ZNF469: variants seen among roughly 807,000 people sequenced by gnomAD.
ZNF469 encodes zinc finger protein 469.
Under a neutral mutation model 1.0 loss-of-function variants are expected in ZNF469, and 1 was observed. That is an observed-to-expected ratio of 1.00 (90% CI 0.35 to 4.73). The LOEUF (loss-of-function observed/expected upper bound fraction) is 4.73. Ranked by LOEUF, ZNF469 falls within the 30% of genes most tolerant of loss-of-function variation. ZNF469 has a pLI of 0.16. For synonymous variants in ZNF469, 2,703 were observed against 2,363.4 expected (o/e 1.14, Z -4.17); for missense variants, 6,100 against 5,356.3 (o/e 1.14, Z -4.33).
chr16:88,102,524 A>C, the ZNF469 span, among the ~76,000 whole-genome samples: 2 of 152,218 alleles, frequency 1.3e-5, no homozygotes, highest in Non-Finnish European at 2.9e-5. Context: ...CAAAACAAAC[A>C]AAAACAAACA....
chr16:88,260,149 T>G, the ZNF469 span, among the ~76,000 whole-genome samples: 7 of 133,962 alleles, frequency 5.2e-5, no homozygotes, highest in Non-Finnish European at 1.0e-4. This position sits in a 1 kb window ranked among gnomAD's most constrained non-coding sequence, Gnocchi z 4.1. Flanking sequence ...TGCTAGTGTT[T>G]TTTTTTTTTT....
chr16:88,279,924 G>T, the ZNF469 span, among the ~76,000 whole-genome samples: 29,823 of 132,440 alleles, frequency 0.23, 4,126 homozygotes, highest in East Asian at 0.41. Context: ...GGTCAGTACC[G>T]TGTAGATATC....
At chr16:88,396,011 G>T (rs73249820) in intron 1 of ZNF469, among the ~76,000 whole-genome samples, 4,312 of 152,332 alleles carry the variant, frequency 0.028, 197 homozygotes, top group African/African-American at 0.098. Flanking sequence ...CCTACAGGCA[G>T]CAGAGTTTAG....
At chr16:88,362,538 T>C in the ZNF469 span, among the ~76,000 whole-genome samples, 4 of 150,958 alleles carry the variant, frequency 2.6e-5, no homozygotes, top group African/African-American at 9.9e-5. Context: ...TGGGTTGACA[T>C]TTTTTTTCTT....
the ZNF469 span, among the ~76,000 whole-genome samples, chr16:88,354,569 C>T: frequency 2.2e-4 from 34 of 152,182 alleles, no homozygotes; most frequent in African/African-American, 5.8e-4. Context: ...GGGACCAAGT[C>T]GGAGCAGTGA....
At chr16:88,280,076 CTCAG>C in the ZNF469 span, among the ~76,000 whole-genome samples, 1 of 151,696 alleles carries the variant, frequency 6.6e-6, no homozygotes, top group Non-Finnish European at 1.5e-5. Context: ...CACGCCGACA[CTCAG>C]TCGGTACCGT....
At chr16:88,197,259 C>T in the ZNF469 span, among the ~76,000 whole-genome samples, 2 of 152,178 alleles carry the variant, frequency 1.3e-5, no homozygotes, top group Non-Finnish European at 2.9e-5. Flanking sequence ...AAGGAAGAAG[C>T]CAGTGGCACG....
the ZNF469 span, among the ~76,000 whole-genome samples, chr16:88,364,298 C>T: frequency 6.6e-6 from 1 of 152,184 alleles, no homozygotes; most frequent in East Asian, 1.9e-4. Flanking sequence ...TTTCTGAACT[C>T]CAAATCTTGT....
At position 88,434,711 on chromosome 16, in the gene ZNF469, C is replaced by T. The variant is rs929163153; in HGVS notation, c.7241C>T (p.Thr2414Ile). 1.3e-5 allele frequency: 20 copies of T among 1,550,312 alleles called. No homozygotes were observed. The highest frequency in any genetic ancestry group is 1.7e-5 in the Non-Finnish European group (19 of 1,146,990). ...GLGRTTAPSS[T>I]ASDFQSDSPQ... ...GGAAGAACCACAGCCCCAAGCAGCA[C>T]AGCCAGTGACTTCCAGTCTGACTCC... Residue 2414 changes from threonine to isoleucine, a missense_variant, in exon 3 of 3, where the codon ACA becomes ATA. Physicochemically the swap from Thr to Ile is moderately conservative, Grantham distance 89 (BLOSUM62 -1). Coordinates refer to ENST00000565624, the MANE Select transcript of ZNF469 (RefSeq NM_001367624.2).
At chr16:88,199,726 T>G in the ZNF469 span, among the ~76,000 whole-genome samples, 1 of 152,218 alleles carries the variant, frequency 6.6e-6, no homozygotes, top group Non-Finnish European at 1.5e-5. Context: ...AGGACAGTGC[T>G]GGCCATAGGG....
intron 1 of ZNF469, among the ~76,000 whole-genome samples, chr16:88,399,747 C>T (rs1904800927): frequency 6.6e-6 from 1 of 152,252 alleles, no homozygotes; most frequent in Non-Finnish European, 1.5e-5. Context: ...GCTGTGCACC[C>T]CTCTCTGCTG....
chr16:88,129,298 C>T, the ZNF469 span, among the ~76,000 whole-genome samples: 5 of 152,268 alleles, frequency 3.3e-5, no homozygotes, highest in South Asian at 8.3e-4. Flanking sequence ...GGTGAGCCAT[C>T]ACGGCAGCCT....
chr16:88,160,092 T>A, the ZNF469 span, among the ~76,000 whole-genome samples: 1 of 152,230 alleles, frequency 6.6e-6, no homozygotes, highest in East Asian at 1.9e-4. Flanking sequence ...TGATCCTACC[T>A]ATGCAGCTTT....
At chr16:88,261,025 G>A in the ZNF469 span, among the ~76,000 whole-genome samples, 2 of 152,168 alleles carry the variant, frequency 1.3e-5, no homozygotes, top group Non-Finnish European at 2.9e-5. The surrounding 1 kb of genome is among the most constrained non-coding windows in gnomAD (Gnocchi z 6.0). Context: ...TGGGGAGCCC[G>A]GGCCAGCGTC....
At chr16:88,370,642 G>T in the ZNF469 span, among the ~76,000 whole-genome samples, 5 of 152,156 alleles carry the variant, frequency 3.3e-5, no homozygotes, top group Non-Finnish European at 4.4e-5. Flanking sequence ...GTCCTGAAGC[G>T]TGTGAGTCTC....
At position 88,390,556 on chromosome 16, in the gene ZNF469, C is replaced by G. The variant is rs574560538; in HGVS notation, c.-192+7302C>G. 8.6e-4 allele frequency among the ~76,000 whole-genome samples: 131 copies of G among 152,332 alleles called. 1 individual carries two copies. The highest frequency in any genetic ancestry group is 1.6e-3 in the Non-Finnish European group (112 of 68,010). On this transcript the variant is annotated intron_variant, in intron 1 of 2. Coordinates refer to ENST00000565624, the MANE Select transcript of ZNF469 (RefSeq NM_001367624.2). ...TCCAGGGGGCCTCAGTTTCCCCTTC[C>G]TAGGCAAGCTGACTTTTCCTGCACT... is the stretch of plus-strand genomic sequence containing the variant.
At chr16:88,256,896 T>TTTCTCTCTCTCTCTCTC in the ZNF469 span, among the ~76,000 whole-genome samples, 30 of 26,974 alleles carry the variant, frequency 1.1e-3, 1 homozygote, top group African/African-American at 4.0e-3. Context: ...TTTTCTTTCC[T>TTTCTCTCTCTCTCTCTC]TCTTTCTTTC....
the ZNF469 span, chr16:88,276,703 G>C: frequency 6.6e-6 from 1 of 152,262 alleles, no homozygotes; most frequent in Non-Finnish European, 1.5e-5. Flanking sequence ...AATCATAGCA[G>C]TGCATGGGTC....
the ZNF469 span, among the ~76,000 whole-genome samples, chr16:88,294,016 G>T: frequency 6.6e-6 from 1 of 152,204 alleles, no homozygotes; most frequent in Non-Finnish European, 1.5e-5. Context: ...AGCTCCGAGT[G>T]CCAGGACTGT....
Sources: gnomAD v4.1 joint callset for allele counts (sites outside exome capture counted in the v4.1 genomes callset) on GRCh38, gnomAD v4.1.1 for gene constraint, Gnocchi (gnomAD v3.1) non-coding constraint, MANE v1.5 for transcripts, NCBI Gene and HGNC (gene_info 2026-07-23, HGNC 2026-07-21) for gene names.